The following MICU3 variants were observed in gnomAD, a reference collection of about 807,000 sequenced individuals.
The protein encoded by MICU3 is mitochondrial calcium uptake 3, also known as calcium uptake protein 3, mitochondrial.
A neutral mutation model predicts 66.5 loss-of-function variants in MICU3; 62 were observed. The observed-to-expected ratio is 0.93, with a 90% CI of 0.76 to 1.15. The LOEUF (loss-of-function observed/expected upper bound fraction) is 1.15. MICU3 is among the 50% of genes most tolerant of loss of function. The probability of loss-of-function intolerance (pLI) is 0.00; values close to 1 mark genes in which losing one functional copy is unlikely to be tolerated. For synonymous variants in MICU3, 308 were observed against 240.7 expected (o/e 1.28, Z -2.59); for missense variants, 779 against 664.4 (o/e 1.17, Z -1.90).
intron 5 of MICU3, chr8:17,081,987 T>A: frequency 3.3e-6 from 1 of 304,734 alleles, no homozygotes; most frequent in Non-Finnish European, 6.1e-6. Flanking sequence ...TCAATTCTTG[T>A]GGTTTTAATC....
chr8:17,053,990 A>C (rs1326787492), intron 1 of MICU3, among the ~76,000 whole-genome samples: 2 of 152,214 alleles, frequency 1.3e-5, no homozygotes, highest in Non-Finnish European at 2.9e-5. Flanking sequence ...TCACACTTAT[A>C]AATAAGGTAA....
the MICU3 span, among the ~76,000 whole-genome samples, chr8:17,135,167 A>G: frequency 7.9e-5 from 12 of 152,168 alleles, no homozygotes; most frequent in Admixed American, 7.9e-4. Context: ...TTGAAAGGCC[A>G]GGGCAGGTGG....
At chr8:17,120,256 A>T (rs1474722548) in intron 14 of MICU3, 32 bp from the exon 15 acceptor site, 1 of 152,080 alleles carries the variant, frequency 6.6e-6, no homozygotes, top group Non-Finnish European at 1.5e-5. Context: ...CTAAATAAAT[A>T]TTGCTTTTGT....
At chr8:17,090,525 G>A in intron 7 of MICU3, 21 bp from the exon 8 acceptor site, 1 of 1,605,544 alleles carries the variant, frequency 6.2e-7, no homozygotes, top group Non-Finnish European at 8.5e-7. Context: ...ACTTCATTTG[G>A]CCCTTTGTGC....
chr8:17,123,356 G>C (rs1803311340), downstream of MICU3, among the ~76,000 whole-genome samples: 1 of 152,082 alleles, frequency 6.6e-6, no homozygotes, highest in African/African-American at 2.4e-5. Flanking sequence ...GTCCAACACT[G>C]TGAAGAGAGA....
chr8:17,127,871 A>T, the MICU3 span, among the ~76,000 whole-genome samples: 1 of 152,140 alleles, frequency 6.6e-6, no homozygotes, highest in African/African-American at 2.4e-5. Context: ...AAAAACAAAA[A>T]ACAAAAAAGG....
chr8:17,049,502 TGG>T (rs1815682277), intron 1 of MICU3: 1 of 490,082 alleles, frequency 2.0e-6, no homozygotes, highest in African/African-American at 2.0e-5. Context: ...TTACAGTTTG[TGG>T]GCTTAGTATT....
intron 1 of MICU3, among the ~76,000 whole-genome samples, chr8:17,046,533 G>A (rs973424944): frequency 6.6e-6 from 1 of 152,158 alleles, no homozygotes; most frequent in African/African-American, 2.4e-5. Context: ...ATAAGAAATT[G>A]AGAGAAATTG....
chr8:17,111,408 A>G (rs972029628), intron 11 of MICU3, among the ~76,000 whole-genome samples: 4 of 152,076 alleles, frequency 2.6e-5, no homozygotes, highest in African/African-American at 9.7e-5. Context: ...TGCGACCTCA[A>G]ACTCCTGGGC....
the MICU3 span, among the ~76,000 whole-genome samples, chr8:17,134,499 C>T: frequency 2.0e-5 from 3 of 152,152 alleles, no homozygotes; most frequent in East Asian, 1.9e-4. Flanking sequence ...GGCTGGAGTG[C>T]GGTGGCATGA....
chr8:17,060,409 G>A (rs1261376745), intron 1 of MICU3, among the ~76,000 whole-genome samples: 3 of 151,938 alleles, frequency 2.0e-5, no homozygotes, highest in Admixed American at 6.6e-5. Context: ...GTGATTTCAA[G>A]TGATTCTCCT....
intron 6 of MICU3, among the ~76,000 whole-genome samples, chr8:17,085,946 C>T (rs1799423032): frequency 6.6e-6 from 1 of 152,106 alleles, no homozygotes; most frequent in African/African-American, 2.4e-5. Context: ...TATTTTGCAT[C>T]TCTTTTTGTG....
intron 9 of MICU3, chr8:17,102,551 A>G (rs1002780884): frequency 6.6e-6 from 1 of 151,934 alleles, no homozygotes; most frequent in Non-Finnish European, 1.5e-5. Flanking sequence ...CTAATTTTAA[A>G]TTTTGTTCTA....
intron 5 of MICU3, 51 bp downstream of exon 5, chr8:17,081,791 G>A (rs1324293850): frequency 2.2e-5 from 16 of 740,430 alleles, no homozygotes; most frequent in African/African-American, 8.2e-5. Context: ...TTTTTTAAAC[G>A]AATCTTGGAA....
At chr8:17,078,007 A>G (rs1172881784) in intron 4 of MICU3, 146 bp downstream of exon 4, 3 of 438,822 alleles carry the variant, frequency 6.8e-6, no homozygotes, top group Non-Finnish European at 8.0e-6. Context: ...ACAGCAAAAT[A>G]TTAACATTTC....
At chr8:17,132,894 C>G in the MICU3 span, 1 of 152,182 alleles carries the variant, frequency 6.6e-6, no homozygotes, top group African/African-American at 2.4e-5. Flanking sequence ...GTGATTAAGT[C>G]ATGAGAGTGG....
chr8:17,039,838 T>G (rs1212639475), intron 1 of MICU3, among the ~76,000 whole-genome samples: 1 of 151,428 alleles, frequency 6.6e-6, no homozygotes, highest in African/African-American at 2.4e-5. Context: ...TTTTGATATG[T>G]GTATATATTG....
chr8:17,138,373 A>G, the MICU3 span, among the ~76,000 whole-genome samples: 1 of 152,200 alleles, frequency 6.6e-6, no homozygotes, highest in African/African-American at 2.4e-5. Context: ...TTTAAAGAAC[A>G]CAGAACATAC....
chr8:17,082,090 G>A (rs1821267785), intron 5 of MICU3: 1 of 176,692 alleles, frequency 5.7e-6, no homozygotes, highest in African/African-American at 2.4e-5. Flanking sequence ...TGATGTGAGA[G>A]AGAGTGTCTC....
Sources: gnomAD v4.1 joint callset for allele counts (sites outside exome capture counted in the v4.1 genomes callset) on GRCh38, gnomAD v4.1.1 for gene constraint, MANE v1.5 for transcripts, NCBI Gene and HGNC (gene_info 2026-07-23, HGNC 2026-07-21) for gene names.